The following GGA3 variants were observed in gnomAD, a reference collection of about 807,000 sequenced individuals.
GGA3 encodes the protein ADP-ribosylation factor-binding protein GGA3.
GGA3 carries 57 observed loss-of-function variants against 77.5 expected under a neutral mutation model. The observed-to-expected ratio is 0.74, with a 90% CI of 0.59 to 0.92. The LOEUF is 0.92. Among genes scored for constraint, GGA3 ranks in the 40% least tolerant of loss-of-function variants. The pLI, the probability that GGA3 is intolerant of heterozygous loss-of-function variation, is 0.00. For missense variants in GGA3, 970 were observed against 914.9 expected (o/e 1.06, Z -0.78); for synonymous variants, 416 against 383.7 (o/e 1.08, Z -0.98).
chr17:75,242,903 G>T lies in GGA3; in HGVS notation c.537C>A (p.Ala179=). The change falls in exon 7 of 17, where the codon GCC becomes GCA. Residue 179 remains alanine (A), a synonymous_variant. Transcript: ENST00000537686. ...FDDEEKSKLL[A]KLLKSKNPDD... ...CTGGGTTTTTGCTTTTCAGCAGCTTGGCTAAAAGCTGAGAGAGGAGGAAAT... is the reference window on the plus strand; with the variant it reads ...CTGGGTTTTTGCTTTTCAGCAGCTTTGCTAAAAGCTGAGAGAGGAGGAAAT... 2.5e-6 allele frequency: 4 copies of T among 1,613,068 alleles called. No homozygotes were observed. Among genetic ancestry groups the T allele is most frequent in the Non-Finnish European group, 3.4e-6 (4 of 1,179,030 alleles).
chr17:75,238,059 C>T lies in GGA3; in HGVS notation c.*220G>A. The T allele has an allele frequency of 7.3e-7, 1 of 1,370,248 alleles. No individual in the cohort carries two copies. Among genetic ancestry groups the T allele is most frequent in the Non-Finnish European group, 9.4e-7 (1 of 1,064,302 alleles). 84.9% of individuals were successfully genotyped at this position (1,370,248 alleles called of 1,614,324 possible). A position where few individuals can be genotyped will look rare whatever the true frequency, so the allele number is the denominator to read the frequency against. ...CCGCACCCCTGACAGCATATGGCCA[C>T]TTCAAGTCACACAGGTAGATAAAAA... On this transcript the variant is annotated 3_prime_UTR_variant, in exon 17 of 17. Transcript: ENST00000537686.
Position 75,237,375 on chromosome 17 carries a change from G to T in GGA3, c.*904C>A. ...CAGGTGCCACACCACATGCCATCTG[G>T]TGAGAGGAGAGGGAGGCCAAAGCAG... On this transcript the variant is annotated 3_prime_UTR_variant, in exon 17 of 17. Transcript: ENST00000537686. The T allele has an allele frequency of 2.0e-6, 2 of 1,016,890 alleles. No individual in the cohort carries two copies. The highest frequency in any genetic ancestry group is 1.5e-6 in the Non-Finnish European group (1 of 673,434). 63.0% of individuals were successfully genotyped at this position (1,016,890 alleles called of 1,614,324 possible).
intron 5 of GGA3, 84 bp downstream of exon 5, chr17:75,243,355 AGGGACTCT>A: frequency 6.6e-7 from 1 of 1,504,966 alleles, no homozygotes; most frequent in East Asian, 2.3e-5. Flanking sequence ...TCTCTTCAGG[AGGGACTCT>A]GGGGATCCCA....
rs1231873081 is a variant in GGA3 at position 75,237,917 on chromosome 17, T to TCCCACCC, written c.*355_*361dup. 3,437 of 761,934 alleles carry TCCCACCC rather than the reference T, an allele frequency of 4.5e-3. 8 individuals carry two copies. The highest frequency in any genetic ancestry group is 0.019 in the African/African-American group (699 of 36,034). 47.2% of individuals were successfully genotyped at this position (761,934 alleles called of 1,614,324 possible). A position where few individuals can be genotyped will look rare whatever the true frequency, so the allele number is the denominator to read the frequency against. ...CCCATGACAGTCTCTCTTTAGAGAC[T>TCCCACCC]CCCACCCCCCACCCCCCACCCCAGT... On this transcript the variant is annotated 3_prime_UTR_variant, in exon 17 of 17. Transcript: ENST00000537686.
chr17:75,238,316 T>C lies in GGA3; in HGVS notation c.2135A>G (p.Asp712Gly), dbSNP rs761346990. 5.6e-6 allele frequency: 9 copies of C among 1,613,744 alleles called. No homozygotes were observed. The highest frequency in any genetic ancestry group is 7.6e-6 in the Non-Finnish European group (9 of 1,179,878). The change falls in exon 17 of 17, where the codon GAC becomes GGC. Residue 712 changes from aspartate (D) to glycine (G), a missense_variant. Coordinates refer to ENST00000537686, the MANE Select transcript of GGA3 (RefSeq NM_138619.4). ...EQLSTEVGEVDQFPPVEQWGN... is the reference protein window; with the variant it reads ...EQLSTEVGEVGQFPPVEQWGN... ...CCACTGTTCCACAGGAGGGAACTGG[T>C]CCACCTCGCCCACCTCTGTGCTCAG...
At chr17:75,262,153 C>G, upstream of GGA3, 1 of 798,304 alleles carries the variant, frequency 1.3e-6, no homozygotes, top group Non-Finnish European at 2.0e-6. Flanking sequence ...TAGTGACTAC[C>G]TCTCGCCTAA....
intron 8 of GGA3, 58 bp from the exon 9 acceptor site, chr17:75,241,754 T>A: frequency 7.1e-7 from 1 of 1,411,588 alleles, no homozygotes; most frequent in South Asian, 1.2e-5. Context: ...ATCATCTGAT[T>A]CATTCAGGGT....
chr17:75,262,114 C>T, upstream of GGA3: 3 of 1,045,158 alleles, frequency 2.9e-6, no homozygotes, highest in Non-Finnish European at 4.1e-6. Context: ...TCTAAGTTAG[C>T]TGCGTGACCC....
Position 75,237,573 on chromosome 17 carries a change from T to A in GGA3, c.*706A>T. 2 of 1,535,658 alleles carry A rather than the reference T, an allele frequency of 1.3e-6. No homozygotes were observed. The highest frequency in any genetic ancestry group is 1.7e-6 in the Non-Finnish European group (2 of 1,146,586). On this transcript the variant is annotated 3_prime_UTR_variant, in exon 17 of 17. Transcript: ENST00000537686. ...TACTGGCTCTCTTCATTTTCCTTCC[T>A]ATCCCTAGTTGGGCCTGTCATGAGG... is the stretch of plus-strand genomic sequence containing the variant.
chr17:75,256,508 T>C (rs536975912), intron 1 of GGA3, among the ~76,000 whole-genome samples: 5 of 152,180 alleles, frequency 3.3e-5, no homozygotes, highest in East Asian at 1.9e-4. Flanking sequence ...TTTCCCCATA[T>C]TTCCTTCTTT....
chr17:75,239,517 T>TG lies in GGA3; in HGVS notation c.1637dup (p.Ala547SerfsTer32). 6.4e-7 allele frequency: 1 copy of TG among 1,569,540 alleles called. No individual in the cohort carries two copies. The highest frequency in any genetic ancestry group is 8.6e-7 in the Non-Finnish European group (1 of 1,161,362). ...TGGAGAAGGGCAGGAGGGGCCTGGC[T>TG]GGGGTGGTGGTGGGGATGAGAGGGG... On this transcript the variant is annotated frameshift_variant, in exon 14 of 17. Coordinates refer to ENST00000537686, the MANE Select transcript of GGA3 (RefSeq NM_138619.4). LOFTEE classifies it high-confidence loss of function.
Position 75,237,511 on chromosome 17 carries a change from C to T in GGA3, c.*768G>A, listed in dbSNP as rs1047345838. 95 of 1,535,904 alleles carry T rather than the reference C, an allele frequency of 6.2e-5. No homozygotes were observed. Among genetic ancestry groups the T allele is most frequent in the Non-Finnish European group, 7.8e-5 (90 of 1,146,826 alleles). On this transcript the variant is annotated 3_prime_UTR_variant, in exon 17 of 17. Transcript: ENST00000537686. ...CCCCACGGCTGGAGGCACGCTTTTC[C>T]CAGAAAGCTGAGTACCTGCTTCTGG... is the stretch of plus-strand genomic sequence containing the variant.
intron 6 of GGA3, 64 bp from the exon 7 acceptor site, chr17:75,242,975 G>A (rs1416321260): frequency 2.0e-6 from 3 of 1,495,436 alleles, no homozygotes; most frequent in Admixed American, 1.7e-5. Flanking sequence ...GGAAACCCCA[G>A]AGGCTCCCCG....
chr17:75,255,842 C>A (rs1363822374), intron 1 of GGA3, among the ~76,000 whole-genome samples: 1 of 152,236 alleles, frequency 6.6e-6, no homozygotes, highest in African/African-American at 2.4e-5. Context: ...CTTTACAATT[C>A]CTTTGCACCC....
In GGA3 at chr17:75,237,304, T is replaced by C. The variant is rs73998419; in HGVS notation, c.*975A>G. On this transcript the variant is annotated 3_prime_UTR_variant, in exon 17 of 17. Coordinates refer to ENST00000537686, the MANE Select transcript of GGA3 (RefSeq NM_138619.4). Reference sequence around the variant, plus strand: ...TTTCTGGGCAGCACATTAGGACATATGTCTAGTGTAACATTTGTGATCCTG... The same window carrying C: ...TTTCTGGGCAGCACATTAGGACATACGTCTAGTGTAACATTTGTGATCCTG... 836 of 644,504 alleles carry C rather than the reference T, an allele frequency of 1.3e-3. 4 individuals carry two copies. Among genetic ancestry groups the C allele is most frequent in the African/African-American group, 0.012 (669 of 55,740 alleles). 39.9% of individuals were successfully genotyped at this position (644,504 alleles called of 1,614,324 possible). A position where few individuals can be genotyped will look rare whatever the true frequency, so the allele number is the denominator to read the frequency against.
At chr17:75,244,799 G>C in intron 3 of GGA3, 82 bp from the exon 4 acceptor site, 4 of 871,288 alleles carry the variant, frequency 4.6e-6, no homozygotes, top group Non-Finnish European at 7.8e-6. Context: ...CTGGCACCCA[G>C]AGAGTACTGA....
chr17:75,261,309 A>G (rs1302670572), intron 1 of GGA3, among the ~76,000 whole-genome samples: 1 of 152,224 alleles, frequency 6.6e-6, no homozygotes, highest in Non-Finnish European at 1.5e-5. Context: ...CAGGAGCCCG[A>G]GTTCACGCCG....
chr17:75,241,528 AAG>A lies in GGA3; in HGVS notation c.830-14_830-13del, dbSNP rs1406281888. 2.5e-6 allele frequency: 4 copies of A among 1,603,738 alleles called. No homozygotes were observed. The highest frequency in any genetic ancestry group is 1.7e-5 in the Admixed American group (1 of 59,990). ...TTGCAGGATGTCCCCTGGAGCAGGA[AAG>A]AGAGACTTCTCACTCCTGTTGTGAC... On this transcript the variant is annotated splice_polypyrimidine_tract_variant and intron_variant, in intron 9 of 16. Coordinates refer to ENST00000537686, the MANE Select transcript of GGA3 (RefSeq NM_138619.4).
In GGA3 at chr17:75,246,510, G is replaced by A. The variant is rs201248077; in HGVS notation, c.200C>T (p.Thr67Met). 8.7e-6 allele frequency: 14 copies of A among 1,602,896 alleles called. No individual in the cohort carries two copies. The highest frequency in any genetic ancestry group is 1.7e-4 in the Middle Eastern group (1 of 5,998). The change falls in exon 3 of 17, where the codon ACG becomes ATG. Residue 67 changes from threonine to methionine, a missense_variant and splice_region_variant. Physicochemically the swap from Thr to Met is moderately conservative, Grantham distance 81. Transcript: ENST00000537686. The part of the protein sequence containing the change: ...PQEWEALQAL[T>M]VLEACMKNCG... ...ACCTCCGGAGAGTGAAGGACCTACC[G>A]TCAGGGCCTGGAGCGCCTCCCATTC...
Sources: gnomAD v4.1 joint callset for allele counts (sites outside exome capture counted in the v4.1 genomes callset) on GRCh38, gnomAD v4.1.1 for gene constraint, MANE v1.5 for transcripts, NCBI Gene and HGNC (gene_info 2026-07-23, HGNC 2026-07-21) for gene names.